The following CSMD3 variants were observed in gnomAD, a reference collection of about 807,000 sequenced individuals.
CSMD3 encodes CUB and sushi domain-containing protein 3.
In CSMD3, 177 loss-of-function variants were observed where a neutral mutation model predicts 435.2. The observed-to-expected ratio is 0.41, with a 90% confidence interval of 0.36 to 0.46. CSMD3 has a LOEUF of 0.46. CSMD3 is among the 20% of genes least tolerant of loss of function. The pLI, the probability that CSMD3 is intolerant of heterozygous loss-of-function variation, is 0.34. For synonymous variants in CSMD3, 1,656 were observed against 1,520.5 expected (o/e 1.09, Z -2.07); for missense variants, 4,265 against 4,504.6 (o/e 0.95, Z 1.52).
intron 32 of CSMD3, among the ~76,000 whole-genome samples, chr8:112,410,244 T>C (rs1832210907): frequency 6.6e-6 from 1 of 151,274 alleles, no homozygotes; most frequent in African/African-American, 2.4e-5. Context: ...TAAAAGAAAA[T>C]GAAAATATTA....
intron 32 of CSMD3, among the ~76,000 whole-genome samples, chr8:112,440,871 C>T (rs1814931376): frequency 6.6e-6 from 1 of 152,148 alleles, no homozygotes; most frequent in African/African-American, 2.4e-5. Flanking sequence ...GGGCCTGGCC[C>T]ATGCAACCAT....
At chr8:112,477,594 G>T (rs1414609179) in intron 31 of CSMD3, among the ~76,000 whole-genome samples, 1 of 151,814 alleles carries the variant, frequency 6.6e-6, no homozygotes, top group Non-Finnish European at 1.5e-5. Context: ...TCATTTAAAG[G>T]TATATGGCAC....
chr8:113,177,648 C>T (rs1385561278), intron 3 of CSMD3, among the ~76,000 whole-genome samples: 4 of 151,944 alleles, frequency 2.6e-5, no homozygotes, highest in African/African-American at 4.8e-5. Context: ...GAACTGAGAT[C>T]ACTGGAAAAT....
intron 4 of CSMD3, among the ~76,000 whole-genome samples, chr8:113,162,389 A>G (rs1330582593): frequency 6.6e-6 from 1 of 151,728 alleles, no homozygotes; most frequent in Non-Finnish European, 1.5e-5. Flanking sequence ...AACATGGAGA[A>G]ACCCTGTCGC....
intron 36 of CSMD3, among the ~76,000 whole-genome samples, chr8:112,390,033 G>A (rs557517031): frequency 9.2e-4 from 140 of 152,256 alleles, no homozygotes; most frequent in African/African-American, 3.2e-3. Context: ...CATAATAGGA[G>A]GCTGCACTTA....
intron 27 of CSMD3, among the ~76,000 whole-genome samples, chr8:112,517,948 A>T (rs1287134744): frequency 2.0e-5 from 3 of 152,214 alleles, no homozygotes; most frequent in Non-Finnish European, 4.4e-5. Flanking sequence ...TTATATTCAC[A>T]TGAAAGCCTG....
At chr8:112,971,864 T>C (rs905918254) in intron 7 of CSMD3, among the ~76,000 whole-genome samples, 2 of 152,064 alleles carry the variant, frequency 1.3e-5, no homozygotes, top group African/African-American at 4.8e-5. Flanking sequence ...AAATAAAAAT[T>C]TTAAGATAAT....
At chr8:113,174,937 C>G (rs573005611) in intron 3 of CSMD3, among the ~76,000 whole-genome samples, 30 of 151,800 alleles carry the variant, frequency 2.0e-4, no homozygotes, top group African/African-American at 5.5e-4. Flanking sequence ...TCAAGGGAAA[C>G]TAATTAAGAC....
chr8:113,170,560 T>A (rs1588197919), intron 4 of CSMD3, among the ~76,000 whole-genome samples: 2 of 152,280 alleles, frequency 1.3e-5, no homozygotes, highest in South Asian at 4.1e-4. Flanking sequence ...TTGCACTCAA[T>A]GGGCGATATT....
intron 13 of CSMD3, among the ~76,000 whole-genome samples, chr8:112,690,832 T>C (rs1282023052): frequency 1.3e-5 from 2 of 152,002 alleles, no homozygotes. Context: ...GCCTTAAAAG[T>C]CACATAAAAT....
intron 13 of CSMD3, among the ~76,000 whole-genome samples, chr8:112,779,389 A>G (rs187031302): frequency 4.5e-4 from 68 of 152,152 alleles, no homozygotes; most frequent in African/African-American, 1.5e-3. Flanking sequence ...AGATTTTAGG[A>G]AAAAAATGCA....
intron 32 of CSMD3, among the ~76,000 whole-genome samples, chr8:112,421,032 T>G (rs1812440066): frequency 6.6e-6 from 1 of 152,146 alleles, no homozygotes. Flanking sequence ...ATTGGCAGAA[T>G]GTACAGCTAT....
chr8:112,589,454 G>A (rs1830993260), intron 22 of CSMD3, among the ~76,000 whole-genome samples: 1 of 152,100 alleles, frequency 6.6e-6, no homozygotes, highest in South Asian at 2.1e-4. Flanking sequence ...GTATCCGGTG[G>A]CTGTGATGGT....
At chr8:112,540,459 A>G (rs1826557422) in intron 27 of CSMD3, among the ~76,000 whole-genome samples, 1 of 152,090 alleles carries the variant, frequency 6.6e-6, no homozygotes, top group South Asian at 2.1e-4. Flanking sequence ...GAAAATTAGT[A>G]TATCAAAGAG....
chr8:113,196,925 T>C (rs926518872), intron 3 of CSMD3, among the ~76,000 whole-genome samples: 5 of 151,232 alleles, frequency 3.3e-5, no homozygotes, highest in African/African-American at 1.2e-4. Flanking sequence ...AGCCCTGACA[T>C]TCTGTTTGTG....
At chr8:112,373,419 T>TAA (rs1828630133) in intron 38 of CSMD3, among the ~76,000 whole-genome samples, 1 of 151,864 alleles carries the variant, frequency 6.6e-6, no homozygotes, top group African/African-American at 2.4e-5. Flanking sequence ...CCACCCTGTT[T>TAA]ACACACACAC....
chr8:113,377,895 T>A (rs2094395947), intron 1 of CSMD3, among the ~76,000 whole-genome samples: 1 of 152,156 alleles, frequency 6.6e-6, no homozygotes, highest in Non-Finnish European at 1.5e-5. Flanking sequence ...TTCTAAAAAA[T>A]AAACGAGGAG....
At chr8:112,697,596 G>A (rs955489170) in intron 13 of CSMD3, among the ~76,000 whole-genome samples, 1 of 151,870 alleles carries the variant, frequency 6.6e-6, no homozygotes, top group Non-Finnish European at 1.5e-5. Context: ...TGTGGGGTGG[G>A]GGCAGGGGGG....
intron 2 of CSMD3, among the ~76,000 whole-genome samples, chr8:113,305,225 G>A (rs1180578258): frequency 5.9e-5 from 9 of 151,758 alleles, no homozygotes; most frequent in African/African-American, 1.7e-4. Flanking sequence ...TGGGTGCAGC[G>A]CACCAGCGTG....
Sources: gnomAD v4.1 joint callset for allele counts (sites outside exome capture counted in the v4.1 genomes callset) on GRCh38, gnomAD v4.1.1 for gene constraint, MANE v1.5 for transcripts, NCBI Gene and HGNC (gene_info 2026-07-23, HGNC 2026-07-21) for gene names.